The following GALNT13 variants were observed in gnomAD, a reference collection of about 807,000 sequenced individuals.
GALNT13 encodes the protein polypeptide N-acetylgalactosaminyltransferase 13.
In GALNT13, 28 loss-of-function variants were observed where a neutral mutation model predicts 64.2. That is an observed-to-expected ratio of 0.44 (90% CI 0.32 to 0.60). The LOEUF (loss-of-function observed/expected upper bound fraction) is 0.60. Ranked by LOEUF, GALNT13 falls within the 20% of genes least tolerant of loss-of-function variation. The pLI is 0.05. For synonymous variants in GALNT13, 214 were observed against 224.6 expected, an observed-to-expected ratio of 0.95 and a Z score of 0.42; for missense variants, 577 against 669.8, an observed-to-expected ratio of 0.86 and a Z score of 1.53.
At chr2:153,258,849 A>G in the GALNT13 span, among the ~76,000 whole-genome samples, 1 of 152,062 alleles carries the variant, frequency 6.6e-6, no homozygotes, top group South Asian at 2.1e-4. Flanking sequence ...ATTTTTTAAG[A>G]CTTGTTTTGT....
the GALNT13 span, among the ~76,000 whole-genome samples, chr2:153,360,360 A>G: frequency 1.3e-5 from 2 of 152,122 alleles, no homozygotes; most frequent in East Asian, 1.9e-4. Flanking sequence ...GCAGATTCTC[A>G]ACAGCCACTC....
At chr2:153,105,888 C>A in the GALNT13 span, among the ~76,000 whole-genome samples, 107 of 152,238 alleles carry the variant, frequency 7.0e-4, no homozygotes, top group African/African-American at 2.5e-3. Flanking sequence ...AATGGAAGAA[C>A]ATTTAGTTTA....
chr2:153,917,190 CTGTG>C (rs1196823895), intron 2 of GALNT13, among the ~76,000 whole-genome samples: 1 of 151,818 alleles, frequency 6.6e-6, no homozygotes, highest in South Asian at 2.1e-4. Context: ...CTGTTTGTGT[CTGTG>C]TGTATGTATT....
chr2:153,863,864 T>TA, the GALNT13 span, among the ~76,000 whole-genome samples: 1 of 152,294 alleles, frequency 6.6e-6, no homozygotes, highest in Non-Finnish European at 1.5e-5. Context: ...ATGGTATATG[T>TA]AAGTGAAAAA....
the GALNT13 span, among the ~76,000 whole-genome samples, chr2:153,645,245 A>G: frequency 6.6e-6 from 1 of 152,150 alleles, no homozygotes; most frequent in Admixed American, 6.6e-5. Context: ...CATGAGTTAT[A>G]TACTTAATTT....
At chr2:153,702,973 G>T in the GALNT13 span, among the ~76,000 whole-genome samples, 935 of 152,268 alleles carry the variant, frequency 6.1e-3, 5 homozygotes, top group African/African-American at 0.021. Flanking sequence ...CTAGCAATGA[G>T]ACTGGGAAAC....
chr2:153,279,197 T>C, the GALNT13 span, among the ~76,000 whole-genome samples: 1 of 152,198 alleles, frequency 6.6e-6, no homozygotes, highest in Non-Finnish European at 1.5e-5. Flanking sequence ...CTAATTTTTG[T>C]ACACTGATTT....
the GALNT13 span, among the ~76,000 whole-genome samples, chr2:153,118,623 A>G: frequency 6.6e-6 from 1 of 152,348 alleles, no homozygotes; most frequent in East Asian, 1.9e-4. Flanking sequence ...AGCCTCTGGC[A>G]TAAAGGCTCA....
the GALNT13 span, among the ~76,000 whole-genome samples, chr2:153,636,821 A>G: frequency 6.6e-6 from 1 of 152,136 alleles, no homozygotes; most frequent in Admixed American, 6.6e-5. Context: ...TATTACAGTA[A>G]GAAAGTAGAA....
At chr2:153,469,732 T>G in the GALNT13 span, among the ~76,000 whole-genome samples, 1 of 152,158 alleles carries the variant, frequency 6.6e-6, no homozygotes, top group Admixed American at 6.6e-5. Flanking sequence ...GTTTGTTAAA[T>G]CAGTTTGGGT....
At chr2:154,050,489 A>C (rs775796877) in intron 3 of GALNT13, among the ~76,000 whole-genome samples, 1 of 152,184 alleles carries the variant, frequency 6.6e-6, no homozygotes, top group Admixed American at 6.5e-5. Context: ...AAAATCGTTG[A>C]TAGCTTGATA....
At chr2:153,300,398 G>A in the GALNT13 span, among the ~76,000 whole-genome samples, 1 of 152,168 alleles carries the variant, frequency 6.6e-6, no homozygotes, top group African/African-American at 2.4e-5. Flanking sequence ...ATACTTATGT[G>A]AGGGCTGGAT....
chr2:153,835,230 G>C, the GALNT13 span, among the ~76,000 whole-genome samples: 3 of 151,856 alleles, frequency 2.0e-5, no homozygotes, highest in Non-Finnish European at 4.4e-5. Flanking sequence ...AAACATTATA[G>C]CGTATATCTG....
At chr2:154,145,076 CTATCTA>C (rs1558984447) in intron 4 of GALNT13, among the ~76,000 whole-genome samples, 84 of 101,624 alleles carry the variant, frequency 8.3e-4, no homozygotes, top group South Asian at 3.7e-3. Context: ...CTCTCTCTAT[CTATCTA>C]TCTATCTATC....
the GALNT13 span, among the ~76,000 whole-genome samples, chr2:153,768,904 G>A: frequency 2.6e-5 from 4 of 152,132 alleles, no homozygotes; most frequent in East Asian, 7.7e-4. Flanking sequence ...TTTATCTAAT[G>A]TAAGGATGGC....
intron 3 of GALNT13, among the ~76,000 whole-genome samples, chr2:153,969,814 CTG>C (rs1465535624): frequency 1.3e-5 from 2 of 152,088 alleles, no homozygotes; most frequent in African/African-American, 4.8e-5. Context: ...CTTCTTTAAT[CTG>C]TGTGTTATAA....
intron 9 of GALNT13, among the ~76,000 whole-genome samples, chr2:154,382,113 T>G (rs1698300435): frequency 6.6e-6 from 1 of 152,104 alleles, no homozygotes; most frequent in Non-Finnish European, 1.5e-5. Flanking sequence ...ACATGTTGTT[T>G]CCTTTCAAGA....
chr2:153,750,605 G>A, the GALNT13 span, among the ~76,000 whole-genome samples: 1 of 151,518 alleles, frequency 6.6e-6, no homozygotes, highest in African/African-American at 2.4e-5. Flanking sequence ...TTCACTTTGT[G>A]GACTTACGTT....
chr2:154,112,827 A>T (rs994697074), intron 3 of GALNT13, among the ~76,000 whole-genome samples: 5 of 152,056 alleles, frequency 3.3e-5, no homozygotes, highest in Admixed American at 1.3e-4. Context: ...CTGTCAACTG[A>T]TCTTAGGGAA....
Sources: allele counts gnomAD v4.1 joint callset (sites outside exome capture counted in the v4.1 genomes callset), GRCh38; gene constraint gnomAD v4.1.1; transcripts MANE v1.5; gene names NCBI Gene and HGNC (gene_info 2026-07-23, HGNC 2026-07-21).